The following MAN1A2 variants were observed in gnomAD, a reference collection of about 807,000 sequenced individuals.
The protein encoded by MAN1A2 is mannosidase alpha class 1A member 2, also known as mannosyl-oligosaccharide 1,2-alpha-mannosidase IB.
Under a neutral mutation model 75.7 loss-of-function variants are expected in MAN1A2, and 26 were observed. The ratio of observed to expected loss-of-function variants is 0.34; its 90% CI spans 0.25 to 0.48. MAN1A2 has a LOEUF of 0.48. Among genes scored for constraint, MAN1A2 ranks in the 20% least tolerant of loss-of-function variants. MAN1A2 has a pLI of 0.99. For missense variants in MAN1A2, 562 were observed against 775.5 expected (o/e 0.72, Z 3.27); for synonymous variants, 247 against 264.6 (o/e 0.93, Z 0.65).
chr1:117,411,575 CTT>C (rs1226957467), intron 3 of MAN1A2, among the ~76,000 whole-genome samples: 1 of 151,704 alleles, frequency 6.6e-6, no homozygotes, highest in Non-Finnish European at 1.5e-5. Flanking sequence ...GTAAATTGGA[CTT>C]AATGAAAATT....
chr1:117,486,216 T>C (rs972215513), intron 8 of MAN1A2, among the ~76,000 whole-genome samples: 10 of 152,074 alleles, frequency 6.6e-5, no homozygotes, highest in African/African-American at 2.4e-4. Context: ...AATAAGCTCA[T>C]AGTACTTGGG....
At chr1:117,394,175 G>A (rs549052675) in intron 1 of MAN1A2, among the ~76,000 whole-genome samples, 1 of 151,682 alleles carries the variant, frequency 6.6e-6, no homozygotes, top group African/African-American at 2.4e-5. Flanking sequence ...TCTGCCTCCC[G>A]GGTTCACGCC....
chr1:117,498,227 A>G (rs1323330886), intron 10 of MAN1A2, among the ~76,000 whole-genome samples: 1 of 151,870 alleles, frequency 6.6e-6, no homozygotes. Context: ...ATTATGCCTT[A>G]AAATATAGCT....
At chr1:117,401,599 T>TC (rs1489404995) in intron 1 of MAN1A2, among the ~76,000 whole-genome samples, 2 of 152,118 alleles carry the variant, frequency 1.3e-5, no homozygotes, top group Non-Finnish European at 2.9e-5. Context: ...TCTGAGGAGC[T>TC]CTTCATGATA....
chr1:117,496,645 A>G, intron 9 of MAN1A2, 118 bp from the exon 10 acceptor site: 1 of 694,350 alleles, frequency 1.4e-6, no homozygotes, highest in Non-Finnish European at 2.4e-6. Flanking sequence ...CAGTTTGGGA[A>G]AGTTACTACT....
intron 5 of MAN1A2, among the ~76,000 whole-genome samples, chr1:117,423,551 G>C (rs1243716445): frequency 6.6e-6 from 1 of 151,830 alleles, no homozygotes; most frequent in Non-Finnish European, 1.5e-5. Flanking sequence ...TTAGCATACA[G>C]ATCTTGTATG....
intron 8 of MAN1A2, among the ~76,000 whole-genome samples, chr1:117,489,486 T>A (rs1211675392): frequency 6.6e-6 from 1 of 152,084 alleles, no homozygotes; most frequent in Non-Finnish European, 1.5e-5. Context: ...ATGTTTCTTT[T>A]TTTGTTGTGT....
intron 5 of MAN1A2, among the ~76,000 whole-genome samples, chr1:117,429,792 C>G (rs1239371649): frequency 1.9e-5 from 2 of 104,288 alleles, no homozygotes; most frequent in Non-Finnish European, 4.1e-5. Context: ...GACGGGGCGG[C>G]TGGCCGGGCG....
intron 1 of MAN1A2, among the ~76,000 whole-genome samples, chr1:117,380,301 C>T (rs1365576969): frequency 1.3e-5 from 2 of 152,146 alleles, no homozygotes; most frequent in Non-Finnish European, 2.9e-5. Flanking sequence ...GAACGTCTAT[C>T]CAGGCTTTGT....
At position 117,402,170 on chromosome 1, in the gene MAN1A2, C is replaced by T; in HGVS notation, c.303-16C>T. The T allele has an allele frequency of 6.3e-7, 1 of 1,595,838 alleles. No individual in the cohort carries two copies. Among genetic ancestry groups the T allele is most frequent in the South Asian group, 1.2e-5 (1 of 86,952 alleles). ...GTAGGCTCACTGTTACGTTTTATTT[C>T]CTTCTTTTCTCACAGGGAAGAGGAA... is the stretch of plus-strand genomic sequence containing the variant. On this transcript the variant is annotated splice_polypyrimidine_tract_variant and intron_variant, in intron 1 of 12. Transcript: ENST00000356554.
At chr1:117,408,787 G>A (rs533651220) in intron 3 of MAN1A2, among the ~76,000 whole-genome samples, 152 of 149,376 alleles carry the variant, frequency 1.0e-3, no homozygotes, top group African/African-American at 3.6e-3. Context: ...TTTTTTTCTT[G>A]AAGGTTTTTA....
chr1:117,478,546 T>G (rs1439830350), intron 8 of MAN1A2, among the ~76,000 whole-genome samples: 1 of 152,004 alleles, frequency 6.6e-6, no homozygotes, highest in Non-Finnish European at 1.5e-5. Flanking sequence ...TCTAAAAGTT[T>G]ATAGATTCGG....
chr1:117,469,995 A>T (rs1650097537), intron 8 of MAN1A2, among the ~76,000 whole-genome samples: 1 of 152,090 alleles, frequency 6.6e-6, no homozygotes, highest in East Asian at 1.9e-4. Flanking sequence ...GAAAACAGAG[A>T]CTCAAACAGA....
intron 5 of MAN1A2, among the ~76,000 whole-genome samples, chr1:117,432,557 T>C (rs991195845): frequency 7.2e-5 from 11 of 152,228 alleles, no homozygotes; most frequent in African/African-American, 2.7e-4. Flanking sequence ...AACAATCTTA[T>C]TGAAACTGAG....
At chr1:117,480,488 A>G (rs531146107) in intron 8 of MAN1A2, among the ~76,000 whole-genome samples, 1 of 151,864 alleles carries the variant, frequency 6.6e-6, no homozygotes, top group South Asian at 2.1e-4. Flanking sequence ...TGGTTGTTTT[A>G]GGTTTCAGGC....
chr1:117,485,397 A>G (rs528124757), intron 8 of MAN1A2, among the ~76,000 whole-genome samples: 5 of 152,102 alleles, frequency 3.3e-5, no homozygotes, highest in South Asian at 4.1e-4. Flanking sequence ...ATGAAATGAA[A>G]GTAGATAAAT....
chr1:117,412,557 T>G (rs1475631609), intron 3 of MAN1A2, among the ~76,000 whole-genome samples: 1 of 151,850 alleles, frequency 6.6e-6, no homozygotes, highest in African/African-American at 2.4e-5. Flanking sequence ...GAATATTCAG[T>G]TATTTTCATT....
intron 7 of MAN1A2, among the ~76,000 whole-genome samples, chr1:117,462,892 G>A (rs1649864885): frequency 6.6e-6 from 1 of 152,036 alleles, no homozygotes; most frequent in Non-Finnish European, 1.5e-5. Context: ...GGGATATGGG[G>A]AATAGTATGT....
chr1:117,379,287 T>C (rs1653254392), intron 1 of MAN1A2, among the ~76,000 whole-genome samples: 1 of 152,158 alleles, frequency 6.6e-6, no homozygotes, highest in Admixed American at 6.5e-5. Context: ...TAAATTTTCA[T>C]ATATTCATAG....
Sources: allele counts gnomAD v4.1 joint callset (sites outside exome capture counted in the v4.1 genomes callset), GRCh38; gene constraint gnomAD v4.1.1; transcripts MANE v1.5; gene names NCBI Gene and HGNC (gene_info 2026-07-23, HGNC 2026-07-21).